The following ABCC8 variants were observed in gnomAD, a reference collection of about 807,000 sequenced individuals.
ABCC8 encodes ATP-binding cassette sub-family C member 8.
Under a neutral mutation model 188.0 loss-of-function variants are expected in ABCC8, and 137 were observed. The ratio of observed to expected loss-of-function variants is 0.73; its 90% CI spans 0.63 to 0.84. ABCC8 has a LOEUF of 0.84. Among genes scored for constraint, ABCC8 ranks in the 40% least tolerant of loss-of-function variants. The pLI is 0.00. For synonymous variants in ABCC8, 797 were observed against 846.5 expected (o/e 0.94, Z 1.01); for missense variants, 1,750 against 2,072.7 (o/e 0.84, Z 3.02).
chr11:17,440,154 C>A (rs1472841273), intron 10 of ABCC8, among the ~76,000 whole-genome samples: 1 of 152,150 alleles, frequency 6.6e-6, no homozygotes, highest in East Asian at 1.9e-4. Flanking sequence ...ACCCAGTGCC[C>A]CCACTTTCCT....
intron 3 of ABCC8, among the ~76,000 whole-genome samples, chr11:17,468,617 G>T (rs544275986): frequency 1.3e-5 from 2 of 152,108 alleles, no homozygotes; most frequent in African/African-American, 4.8e-5. Context: ...AAATAATAAT[G>T]GTACCTACCT....
At chr11:17,467,854 G>A (rs1284071301) in intron 3 of ABCC8, among the ~76,000 whole-genome samples, 1 of 152,262 alleles carries the variant, frequency 6.6e-6, no homozygotes, top group East Asian at 1.9e-4. Context: ...AAGGGGAATG[G>A]AGGGAGTTAG....
At chr11:17,472,885 C>T (rs1488029813) in intron 2 of ABCC8, among the ~76,000 whole-genome samples, 1 of 152,174 alleles carries the variant, frequency 6.6e-6, no homozygotes, top group Non-Finnish European at 1.5e-5. Flanking sequence ...ATGAAGCAGG[C>T]AAGCCAGGGA....
chr11:17,419,071 G>T (rs1231274089), intron 16 of ABCC8, among the ~76,000 whole-genome samples: 1 of 152,172 alleles, frequency 6.6e-6, no homozygotes, highest in East Asian at 1.9e-4. Flanking sequence ...AGGGGAAGCT[G>T]GGGTGTGAAT....
chr11:17,466,866 A>G (rs563930811), intron 3 of ABCC8, among the ~76,000 whole-genome samples: 9 of 152,098 alleles, frequency 5.9e-5, no homozygotes, highest in African/African-American at 9.6e-5. Context: ...GGGTTTTGGC[A>G]TGTTGGCCAG....
chr11:17,435,178 C>T (rs1038982390), intron 10 of ABCC8, among the ~76,000 whole-genome samples: 3 of 152,164 alleles, frequency 2.0e-5, no homozygotes, highest in East Asian at 1.9e-4. Context: ...TTCCCCTCCA[C>T]CCCCGCCTCT....
chr11:17,428,953 A>G (rs1955723219), intron 12 of ABCC8: 1 of 526,274 alleles, frequency 1.9e-6, no homozygotes, highest in Non-Finnish European at 3.4e-6. Context: ...GGGTTATTAG[A>G]CTGAAGGATG....
chr11:17,396,826 C>G, intron 33 of ABCC8, 90 bp downstream of exon 33: 1 of 1,537,826 alleles, frequency 6.5e-7, no homozygotes, highest in South Asian at 1.2e-5. Flanking sequence ...TGGAGGGCCA[C>G]GAGGTGACTG....
At chr11:17,406,572 G>A in intron 26 of ABCC8, 50 bp downstream of exon 26, 4 of 1,555,528 alleles carry the variant, frequency 2.6e-6, no homozygotes, top group Non-Finnish European at 3.5e-6. Context: ...CTAAGGCTCA[G>A]AGAACAGTGA....
chr11:17,427,963 C>G lies in ABCC8; in HGVS notation c.2041-21G>C. Reference sequence around the variant, plus strand: ...ATGATCTTCATTAGGCGTGTCCCACCGCCCAGGAGAGAACAGAAAGGCAGC... The same window carrying G: ...ATGATCTTCATTAGGCGTGTCCCACGGCCCAGGAGAGAACAGAAAGGCAGC... On this transcript the variant is annotated intron_variant, in intron 14 of 38. Coordinates refer to ENST00000389817, the MANE Select transcript of ABCC8 (RefSeq NM_000352.6). The surrounding 1 kb of genome is among the most constrained non-coding windows in gnomAD (Gnocchi z 5.0). 3 of 1,611,248 alleles carry G rather than the reference C, an allele frequency of 1.9e-6. No individual in the cohort carries two copies. In the South Asian group the frequency reaches 3.3e-5, roughly 18 times the overall value.
At chr11:17,416,002 G>A (rs541354104) in intron 17 of ABCC8, among the ~76,000 whole-genome samples, 26 of 152,344 alleles carry the variant, frequency 1.7e-4, no homozygotes, top group African/African-American at 6.3e-4. Context: ...ATGCAAACTT[G>A]TCACATGCCA....
intron 6 of ABCC8, among the ~76,000 whole-genome samples, chr11:17,455,978 G>A (rs996227611): frequency 6.7e-6 from 1 of 149,952 alleles, no homozygotes; most frequent in Non-Finnish European, 1.5e-5. Context: ...TACTAGACTA[G>A]CCAAGAGGCC....
chr11:17,446,068 C>G (rs1282187785), intron 8 of ABCC8, among the ~76,000 whole-genome samples: 1 of 151,510 alleles, frequency 6.6e-6, no homozygotes, highest in African/African-American at 2.4e-5. Context: ...TGGGCTCAAG[C>G]AATTCTCCTG....
rs185965983 is a variant in ABCC8 at position 17,436,292 on chromosome 11, G to A, written c.1631-4048C>T. On this transcript the variant is annotated intron_variant, in intron 10 of 38. Coordinates refer to ENST00000389817, the MANE Select transcript of ABCC8 (RefSeq NM_000352.6). ...ATGTGGCTGGACCTGGGAAGTCTGG[G>A]GTTGTTACAGGCTCTGGCACCTCTC... The A allele has an allele frequency of 7.1e-4, 280 of 393,378 alleles. 1 individual carries two copies. Among genetic ancestry groups the A allele is most frequent in the African/African-American group, 5.4e-3 (264 of 48,524 alleles). 24.4% of individuals were successfully genotyped at this position (393,378 alleles called of 1,614,324 possible). A position where few individuals can be genotyped will look rare whatever the true frequency, so the allele number is the denominator to read the frequency against.
intron 1 of ABCC8, among the ~76,000 whole-genome samples, chr11:17,476,254 G>A (rs1261865082): frequency 1.3e-5 from 2 of 152,214 alleles, no homozygotes; most frequent in African/African-American, 4.8e-5. Flanking sequence ...TTGCGGGAGG[G>A]GTGACCCGGC....
intron 38 of ABCC8, 100 bp from the exon 39 acceptor site, chr11:17,393,228 TG>T: frequency 6.6e-7 from 1 of 1,504,812 alleles, no homozygotes; most frequent in Non-Finnish European, 9.1e-7. Context: ...AGGAGGAGGA[TG>T]AGGCATGTGG....
At chr11:17,401,847 C>CA (rs140618485) in intron 29 of ABCC8, among the ~76,000 whole-genome samples, 14,121 of 142,720 alleles carry the variant, frequency 0.099, 2,177 homozygotes, top group African/African-American at 0.32. Flanking sequence ...GAGACGATGG[C>CA]AGGGGCACTG....
At chr11:17,450,328 C>CTTTCTT (rs1564959584) in intron 7 of ABCC8, among the ~76,000 whole-genome samples, 2 of 109,932 alleles carry the variant, frequency 1.8e-5, no homozygotes, top group East Asian at 5.9e-4. Context: ...CTTTCTTTCT[C>CTTTCTT]TCTCTCTCTT....
rs527529501 is a variant in ABCC8 at position 17,446,920 on chromosome 11, G to A, written c.1332+1596C>T. Among the ~76,000 whole-genome samples the A allele has an allele frequency of 2.4e-4, 37 of 152,270 alleles. No homozygotes were observed. In the Middle Eastern group the frequency reaches 0.02, roughly 84 times the overall value. ...TTTATCCCAAGAAGCAATGGATTCT[G>A]GATTGGTAACACCTCACTCATACCA... On this transcript the variant is annotated intron_variant, in intron 8 of 38. Coordinates refer to ENST00000389817, the MANE Select transcript of ABCC8 (RefSeq NM_000352.6).
Sources: gnomAD v4.1 joint callset for allele counts (sites outside exome capture counted in the v4.1 genomes callset) on GRCh38, gnomAD v4.1.1 for gene constraint, Gnocchi (gnomAD v3.1) non-coding constraint, MANE v1.5 for transcripts, NCBI Gene and HGNC (gene_info 2026-07-23, HGNC 2026-07-21) for gene names.